KCNH7: variants seen among roughly 807,000 people sequenced by gnomAD.
KCNH7 encodes the protein potassium voltage-gated channel subfamily H member 7, also known as voltage-gated inwardly rectifying potassium channel KCNH7.
In KCNH7, 49 loss-of-function variants were observed where a neutral mutation model predicts 120.8. That is an observed-to-expected ratio of 0.41 (90% CI 0.32 to 0.51). The LOEUF is 0.51. Among genes scored for constraint, KCNH7 ranks in the 20% least tolerant of loss-of-function variants. KCNH7 has a pLI of 0.38. For synonymous variants in KCNH7, 547 were observed against 516.1 expected, an observed-to-expected ratio of 1.06 and a Z score of -0.81; for missense variants, 1,097 against 1,446.6, an observed-to-expected ratio of 0.76 and a Z score of 3.92.
At chr2:162,644,724 T>C (rs1684290132) in intron 2 of KCNH7, among the ~76,000 whole-genome samples, 1 of 152,210 alleles carries the variant, frequency 6.6e-6, no homozygotes, top group Non-Finnish European at 1.5e-5. Flanking sequence ...TGCTTTGTCT[T>C]TTCCAAACAA....
intron 2 of KCNH7, among the ~76,000 whole-genome samples, chr2:162,701,458 A>G (rs1686496359): frequency 6.6e-6 from 1 of 152,188 alleles, no homozygotes; most frequent in African/African-American, 2.4e-5. Context: ...AAATCCATTT[A>G]TATAGTATTT....
intron 2 of KCNH7, among the ~76,000 whole-genome samples, chr2:162,619,042 T>C (rs1303169548): frequency 6.6e-6 from 1 of 152,086 alleles, no homozygotes; most frequent in Non-Finnish European, 1.5e-5. Context: ...CTGAAGAAAA[T>C]TATTATCTTG....
rs149916560 is a variant in KCNH7 at position 162,371,932 on chromosome 2, A to G, written c.3488T>C (p.Val1163Ala). 6.2e-7 allele frequency: 1 copy of G among 1,613,898 alleles called. No homozygotes were observed. Among genetic ancestry groups the G allele is most frequent in the Non-Finnish European group, 8.5e-7 (1 of 1,179,870 alleles). Residue 1163 changes from valine to alanine, a missense_variant, in exon 16 of 16, where the codon GTT becomes GCT. By Grantham distance (64) the Val-to-Ala change is moderately conservative (BLOSUM62 0). Coordinates refer to ENST00000332142, the MANE Select transcript of KCNH7 (RefSeq NM_033272.4). ...CAAAGAAGGATGCCTAATTGGATGA[A>G]CGTAAGTTTTTCTTTGCCGCAGGTG... ...ELHLRQRKTY[V>A]HPIRHPSLPD...
intron 6 of KCNH7, among the ~76,000 whole-genome samples, chr2:162,473,584 A>T (rs7594587): frequency 0.23 from 34,678 of 151,728 alleles, 7,864 homozygotes; most frequent in African/African-American, 0.58. Flanking sequence ...ACATCAAAAA[A>T]CTCCCAAATC....
chr2:162,639,412 G>C (rs937138849), intron 2 of KCNH7, among the ~76,000 whole-genome samples: 1 of 152,078 alleles, frequency 6.6e-6, no homozygotes, highest in East Asian at 1.9e-4. Context: ...CTGAGACTTA[G>C]AGAGTTTAAG....
chr2:162,802,524 T>A (rs895620984), intron 2 of KCNH7, among the ~76,000 whole-genome samples: 1 of 151,718 alleles, frequency 6.6e-6, no homozygotes, highest in Admixed American at 6.6e-5. Flanking sequence ...ATTGAGTACA[T>A]TTACTCCAGC....
intron 2 of KCNH7, among the ~76,000 whole-genome samples, chr2:162,758,925 T>C (rs1375593784): frequency 2.0e-5 from 3 of 152,104 alleles, no homozygotes; most frequent in African/African-American, 7.2e-5. Context: ...GAAGGAAAAA[T>C]CAGTTATTAT....
chr2:162,689,125 T>C (rs1559083063), intron 2 of KCNH7, among the ~76,000 whole-genome samples: 1 of 148,588 alleles, frequency 6.7e-6, no homozygotes, highest in Non-Finnish European at 1.5e-5. Flanking sequence ...TATTTCATTA[T>C]TGTATTACAT....
intron 2 of KCNH7, among the ~76,000 whole-genome samples, chr2:162,758,429 G>A (rs2105446446): frequency 6.6e-6 from 1 of 152,070 alleles, no homozygotes; most frequent in South Asian, 2.1e-4. Flanking sequence ...AAGTTTGTAT[G>A]TATACATACA....
At chr2:162,456,788 G>A (rs1688977001) in intron 6 of KCNH7, among the ~76,000 whole-genome samples, 1 of 151,796 alleles carries the variant, frequency 6.6e-6, no homozygotes, top group Non-Finnish European at 1.5e-5. Context: ...GATCTTTGTT[G>A]GTTTAAAGTT....
At chr2:162,803,971 T>G (rs1684440889) in intron 2 of KCNH7, among the ~76,000 whole-genome samples, 1 of 151,844 alleles carries the variant, frequency 6.6e-6, no homozygotes, top group Non-Finnish European at 1.5e-5. Flanking sequence ...TCATATTAAC[T>G]TAATTTCACT....
chr2:162,371,565 A>G lies in KCNH7; in HGVS notation c.*264T>C. On this transcript the variant is annotated 3_prime_UTR_variant, in exon 16 of 16. Transcript: ENST00000332142. ...GAGAAATTGGAGTTTCCTAACATGC[A>G]TGTGATTTAAAAAATAAAAATAAAA... is the stretch of plus-strand genomic sequence containing the variant. The G allele has an allele frequency of 1.2e-6, 1 of 857,126 alleles. No homozygotes were observed. Among genetic ancestry groups the G allele is most frequent in the Non-Finnish European group, 1.6e-6 (1 of 630,872 alleles). The allele number at this position is 857,126 out of a possible 1,614,324, so 53.1% of individuals were successfully genotyped here. A position where few individuals can be genotyped will look rare whatever the true frequency, so the allele number is the denominator to read the frequency against.
rs138809464 is a variant in KCNH7 at position 162,785,663 on chromosome 2, T to G, written c.307+50874A>C. Among the ~76,000 whole-genome samples the G allele has an allele frequency of 1.8e-3, 278 of 152,310 alleles. 1 individual carries two copies. Among genetic ancestry groups the G allele is most frequent in the Non-Finnish European group, 3.0e-3 (201 of 68,014 alleles). Reference sequence around the variant, plus strand: ...TTTTATTTTCTCCTGTTTTGCACTATTACTCCATATCAGGCTGCCTGTGGA... The same window carrying G: ...TTTTATTTTCTCCTGTTTTGCACTAGTACTCCATATCAGGCTGCCTGTGGA... On this transcript the variant is annotated intron_variant, in intron 2 of 15. Coordinates refer to ENST00000332142, the MANE Select transcript of KCNH7 (RefSeq NM_033272.4).
chr2:162,824,642 G>A (rs1685223207), intron 2 of KCNH7, among the ~76,000 whole-genome samples: 1 of 151,988 alleles, frequency 6.6e-6, no homozygotes, highest in Non-Finnish European at 1.5e-5. Flanking sequence ...AATAAATTTA[G>A]CAGTTTATCT....
At chr2:162,480,313 A>G (rs1183817214) in intron 6 of KCNH7, among the ~76,000 whole-genome samples, 1 of 152,174 alleles carries the variant, frequency 6.6e-6, no homozygotes, top group Non-Finnish European at 1.5e-5. Flanking sequence ...CTCCTTCAGC[A>G]GAAGGCTGTT....
At chr2:162,570,199 T>C (rs1456654869) in intron 2 of KCNH7, among the ~76,000 whole-genome samples, 2 of 148,770 alleles carry the variant, frequency 1.3e-5, no homozygotes, top group African/African-American at 2.5e-5. Flanking sequence ...ACTTGCTTTA[T>C]GAATCTAGGT....
At chr2:162,405,723 G>A (rs1369036720) in intron 9 of KCNH7, among the ~76,000 whole-genome samples, 4 of 151,838 alleles carry the variant, frequency 2.6e-5, no homozygotes. Context: ...AAAATGACAT[G>A]TCTTATTAAC....
intron 7 of KCNH7, among the ~76,000 whole-genome samples, chr2:162,445,773 T>A (rs1688557351): frequency 6.6e-6 from 1 of 152,186 alleles, no homozygotes; most frequent in African/African-American, 2.4e-5. Context: ...ATGGACCACT[T>A]GTTTCCAAGT....
intron 6 of KCNH7, among the ~76,000 whole-genome samples, chr2:162,496,266 G>T (rs886142766): frequency 6.6e-6 from 1 of 152,096 alleles, no homozygotes; most frequent in Non-Finnish European, 1.5e-5. Flanking sequence ...CTTTCTTTAG[G>T]CAGACAGTAA....
Sources: gnomAD v4.1 joint callset for allele counts (sites outside exome capture counted in the v4.1 genomes callset) on GRCh38, gnomAD v4.1.1 for gene constraint, MANE v1.5 for transcripts, NCBI Gene and HGNC (gene_info 2026-07-23, HGNC 2026-07-21) for gene names.